The following ZNF385B variants were observed in gnomAD, a reference collection of about 807,000 sequenced individuals.
ZNF385B encodes the protein zinc finger protein 533.
In ZNF385B, 23 loss-of-function variants were observed where a neutral mutation model predicts 39.2. The observed-to-expected ratio is 0.59, with a 90% CI of 0.42 to 0.83. ZNF385B has a LOEUF of 0.83. ZNF385B is among the 40% of genes least tolerant of loss of function. The pLI is 0.00. For synonymous variants in ZNF385B, 205 were observed against 222.6 expected (o/e 0.92, Z 0.70); for missense variants, 552 against 598.9 (o/e 0.92, Z 0.82).
intron 1 of ZNF385B, among the ~76,000 whole-genome samples, chr2:179,809,050 T>C (rs972441778): frequency 3.3e-5 from 5 of 152,218 alleles, no homozygotes; most frequent in African/African-American, 9.6e-5. Flanking sequence ...ATTAATAATT[T>C]TGAATCAGGT....
At chr2:179,790,212 G>A (rs1705244659) in intron 1 of ZNF385B, among the ~76,000 whole-genome samples, 1 of 152,140 alleles carries the variant, frequency 6.6e-6, no homozygotes, top group Admixed American at 6.5e-5. Context: ...GGAAATATTT[G>A]CTTTGGAAGA....
At chr2:179,521,170 TTTTTTG>T (rs148162465) in intron 4 of ZNF385B, among the ~76,000 whole-genome samples, 46,233 of 147,800 alleles carry the variant, frequency 0.31, 7,437 homozygotes, top group East Asian at 0.37. Context: ...TAATACAGTT[TTTTTTG>T]TTTTTGTTTT....
At chr2:179,661,107 A>T (rs1694415224) in intron 3 of ZNF385B, among the ~76,000 whole-genome samples, 1 of 152,200 alleles carries the variant, frequency 6.6e-6, no homozygotes, top group Admixed American at 6.5e-5. Context: ...GGTTAAAGCA[A>T]GGTTAAAAAG....
At chr2:179,533,560 G>A (rs1338041041) in intron 4 of ZNF385B, among the ~76,000 whole-genome samples, 2 of 152,124 alleles carry the variant, frequency 1.3e-5, no homozygotes, top group Admixed American at 1.3e-4. Context: ...ACAGGTTAAG[G>A]GGGTCCTTTT....
chr2:179,562,363 T>C, intron 3 of ZNF385B: 2 of 982,340 alleles, frequency 2.0e-6, no homozygotes, highest in Non-Finnish European at 2.4e-6. Flanking sequence ...AGAAAGTTCC[T>C]TAAGATGTAA....
chr2:179,571,322 T>C (rs1685188546), intron 3 of ZNF385B, among the ~76,000 whole-genome samples: 1 of 152,206 alleles, frequency 6.6e-6, no homozygotes. Flanking sequence ...GTAAAAATAA[T>C]GACAGTGATT....
intron 1 of ZNF385B, among the ~76,000 whole-genome samples, chr2:179,795,543 T>C (rs1246605467): frequency 6.6e-6 from 1 of 152,220 alleles, no homozygotes; most frequent in Non-Finnish European, 1.5e-5. Context: ...GAGATAGCCA[T>C]AGCTTCTCCC....
chr2:179,604,877 A>T (rs979401340), intron 3 of ZNF385B, among the ~76,000 whole-genome samples: 1 of 152,116 alleles, frequency 6.6e-6, no homozygotes, highest in Admixed American at 6.6e-5. Context: ...GAATCCAAGA[A>T]CATTTTATTT....
intron 1 of ZNF385B, among the ~76,000 whole-genome samples, chr2:179,830,967 G>C (rs1317194234): frequency 6.6e-6 from 1 of 152,172 alleles, no homozygotes; most frequent in Non-Finnish European, 1.5e-5. Flanking sequence ...AGGGAGTACA[G>C]AAGAACTCTC....
At chr2:179,586,302 G>T (rs1456279907) in intron 3 of ZNF385B, among the ~76,000 whole-genome samples, 2 of 151,978 alleles carry the variant, frequency 1.3e-5, no homozygotes, top group Non-Finnish European at 1.5e-5. Flanking sequence ...CCACTTTTTT[G>T]CATGCATTTG....
chr2:179,860,739 C>T, intron 1 of ZNF385B: 1 of 430,720 alleles, frequency 2.3e-6, no homozygotes, highest in Non-Finnish European at 4.8e-6. Flanking sequence ...GGTGACGAGG[C>T]GCTGCGGCTA....
intron 3 of ZNF385B, among the ~76,000 whole-genome samples, chr2:179,586,766 T>C (rs1687108404): frequency 1.3e-5 from 2 of 152,198 alleles, no homozygotes; most frequent in Admixed American, 6.5e-5. Context: ...TGGCTGGGCA[T>C]GGTGGCTCAT....
intron 1 of ZNF385B, among the ~76,000 whole-genome samples, chr2:179,841,932 A>G (rs1708556754): frequency 6.6e-6 from 1 of 152,168 alleles, no homozygotes; most frequent in African/African-American, 2.4e-5. Context: ...CACACTCCCC[A>G]CAAATACTTC....
At chr2:179,791,124 T>C (rs1251170732) in intron 1 of ZNF385B, among the ~76,000 whole-genome samples, 1 of 152,216 alleles carries the variant, frequency 6.6e-6, no homozygotes, top group Non-Finnish European at 1.5e-5. Flanking sequence ...CATTTAATTA[T>C]ACAAAAATCT....
At chr2:179,510,057 C>T (rs774589547) in intron 5 of ZNF385B, among the ~76,000 whole-genome samples, 5 of 152,170 alleles carry the variant, frequency 3.3e-5, no homozygotes, top group Non-Finnish European at 7.3e-5. Flanking sequence ...TGAACATACA[C>T]ACACATATAC....
chr2:179,566,184 ATT>A (rs1684554744), intron 3 of ZNF385B, among the ~76,000 whole-genome samples: 2 of 152,238 alleles, frequency 1.3e-5, no homozygotes, highest in Non-Finnish European at 2.9e-5. Context: ...GAGTACATGG[ATT>A]ATGAGAATTA....
intron 3 of ZNF385B, among the ~76,000 whole-genome samples, chr2:179,639,298 G>A (rs1479985389): frequency 6.6e-6 from 1 of 151,202 alleles, no homozygotes; most frequent in African/African-American, 2.4e-5. Context: ...TGGTCAAAGG[G>A]TATCAAGGTT....
chr2:179,837,609 G>GT (rs1708322134), intron 1 of ZNF385B, among the ~76,000 whole-genome samples: 1 of 152,190 alleles, frequency 6.6e-6, no homozygotes. Flanking sequence ...ACTCACCGTG[G>GT]TTTTCCCTCC....
At chr2:179,524,281 G>A (rs1385707977) in intron 4 of ZNF385B, among the ~76,000 whole-genome samples, 1 of 151,958 alleles carries the variant, frequency 6.6e-6, no homozygotes, top group African/African-American at 2.4e-5. Context: ...GGCCGGGCAC[G>A]GTGGCTGACG....
Sources: gnomAD v4.1 joint callset for allele counts (sites outside exome capture counted in the v4.1 genomes callset) on GRCh38, gnomAD v4.1.1 for gene constraint, MANE v1.5 for transcripts, NCBI Gene and HGNC (gene_info 2026-07-23, HGNC 2026-07-21) for gene names.